The following FNDC3B variants were observed in gnomAD, a reference collection of about 807,000 sequenced individuals.
The protein encoded by FNDC3B is fibronectin type III domain-containing protein 3B.
FNDC3B carries 12 observed loss-of-function variants against 151.5 expected under a neutral mutation model. The observed-to-expected ratio is 0.08, with a 90% CI of 0.05 to 0.13. The LOEUF (loss-of-function observed/expected upper bound fraction) is 0.13. FNDC3B is among the 10% of genes least tolerant of loss of function. The probability of loss-of-function intolerance (pLI) is 1.00; values close to 1 mark genes in which losing one functional copy is unlikely to be tolerated. For synonymous variants in FNDC3B, 528 were observed against 549.0 expected (o/e 0.96, Z 0.54); for missense variants, 1,214 against 1,505.3 (o/e 0.81, Z 3.20).
intron 3 of FNDC3B, among the ~76,000 whole-genome samples, chr3:172,217,100 A>G (rs1396506845): frequency 1.3e-5 from 2 of 152,006 alleles, no homozygotes; most frequent in Non-Finnish European, 2.9e-5. Flanking sequence ...AATTAAGAAC[A>G]GAAATGCTTG....
chr3:172,350,233 G>A (rs1466440826), intron 21 of FNDC3B, among the ~76,000 whole-genome samples: 1 of 152,184 alleles, frequency 6.6e-6, no homozygotes, highest in Non-Finnish European at 1.5e-5. Context: ...AATCTTTACT[G>A]TAATTCTATG....
chr3:172,387,466 G>A (rs1384431168), intron 25 of FNDC3B, among the ~76,000 whole-genome samples: 1 of 152,168 alleles, frequency 6.6e-6, no homozygotes, highest in Non-Finnish European at 1.5e-5. Flanking sequence ...ATGAGGCTAT[G>A]ACTGTCTCAT....
At chr3:172,329,302 G>T (rs765957563) in intron 12 of FNDC3B, 35 of 430,058 alleles carry the variant, frequency 8.1e-5, no homozygotes, top group Middle Eastern at 6.0e-4. Context: ...CCCCACTAGG[G>T]GTCTCTAAGA....
chr3:172,097,638 G>A (rs1006056727), intron 1 of FNDC3B, among the ~76,000 whole-genome samples: 3 of 152,174 alleles, frequency 2.0e-5, no homozygotes, highest in African/African-American at 4.8e-5. Context: ...CATAAGTTAA[G>A]CATTAACATT....
intron 3 of FNDC3B, among the ~76,000 whole-genome samples, chr3:172,207,260 G>T (rs1405835868): frequency 1.3e-5 from 2 of 152,064 alleles, no homozygotes; most frequent in Non-Finnish European, 1.5e-5. Flanking sequence ...AACTTCTGTT[G>T]GGTATTACTT....
intron 1 of FNDC3B, among the ~76,000 whole-genome samples, chr3:172,049,653 G>A (rs143858608): frequency 0.019 from 2,873 of 152,050 alleles, 37 homozygotes; most frequent in Non-Finnish European, 0.028. Flanking sequence ...TCAGTCTCCC[G>A]AGTAGCTGAG....
chr3:172,391,956 A>G (rs1736028846), intron 25 of FNDC3B, among the ~76,000 whole-genome samples: 1 of 151,464 alleles, frequency 6.6e-6, no homozygotes, highest in Admixed American at 6.6e-5. Context: ...AAAATAAAGA[A>G]CACTCACAAC....
intron 2 of FNDC3B, among the ~76,000 whole-genome samples, chr3:172,124,103 T>TC (rs1157090027): frequency 2.0e-5 from 3 of 152,234 alleles, no homozygotes; most frequent in African/African-American, 4.8e-5. Context: ...CTTTTTTTTT[T>TC]CTCTCTAGAT....
chr3:172,052,322 C>T (rs1716705619), intron 1 of FNDC3B, among the ~76,000 whole-genome samples: 1 of 151,982 alleles, frequency 6.6e-6, no homozygotes, highest in Non-Finnish European at 1.5e-5. Context: ...AAGCGATCCG[C>T]CCACCTTGGC....
At chr3:172,098,470 A>AGGTATTTAAGGAATC (rs1284948654) in intron 1 of FNDC3B, among the ~76,000 whole-genome samples, 9 of 152,158 alleles carry the variant, frequency 5.9e-5, no homozygotes, top group Non-Finnish European at 1.0e-4. Context: ...TCGGTATTTA[A>AGGTATTTAAGGAATC]GGTATTTAAG....
chr3:172,241,300 T>C (rs143944445), intron 4 of FNDC3B, among the ~76,000 whole-genome samples: 49 of 152,146 alleles, frequency 3.2e-4, no homozygotes, highest in African/African-American at 1.1e-3. Context: ...CAAGAGAAAT[T>C]TATTTTCTTA....
intron 8 of FNDC3B, among the ~76,000 whole-genome samples, chr3:172,296,514 C>T (rs377076792): frequency 6.6e-6 from 1 of 152,152 alleles, no homozygotes. Flanking sequence ...AGGTCTTCCA[C>T]CCCCGACTCT....
chr3:172,331,241 A>G (rs1300634027), intron 13 of FNDC3B, among the ~76,000 whole-genome samples: 1 of 152,140 alleles, frequency 6.6e-6, no homozygotes, highest in Non-Finnish European at 1.5e-5. Context: ...CCTCTTTTTC[A>G]GAGTAAAATC....
At chr3:172,385,421 A>G (rs936970119) in intron 25 of FNDC3B, among the ~76,000 whole-genome samples, 2 of 152,096 alleles carry the variant, frequency 1.3e-5, no homozygotes, top group African/African-American at 4.8e-5. Flanking sequence ...CACTCAGTAA[A>G]TGTTTCCTGC....
intron 3 of FNDC3B, among the ~76,000 whole-genome samples, chr3:172,181,014 T>G (rs1403021074): frequency 6.6e-6 from 1 of 152,210 alleles, no homozygotes; most frequent in Non-Finnish European, 1.5e-5. Context: ...GCTGGCTTTC[T>G]TAATAATCTC....
intron 1 of FNDC3B, among the ~76,000 whole-genome samples, chr3:172,061,345 G>T (rs1717189134): frequency 6.6e-6 from 1 of 150,710 alleles, no homozygotes; most frequent in African/African-American, 2.4e-5. Flanking sequence ...CCATTCTCCT[G>T]CCTCAGCCTC....
At chr3:172,305,982 T>C (rs1463838595) in intron 9 of FNDC3B, among the ~76,000 whole-genome samples, 2 of 152,216 alleles carry the variant, frequency 1.3e-5, no homozygotes, top group Admixed American at 6.5e-5. Context: ...ATTATTTGTT[T>C]GGATCAAATT....
chr3:172,162,599 C>T (rs1041152849), intron 3 of FNDC3B, among the ~76,000 whole-genome samples: 3 of 151,810 alleles, frequency 2.0e-5, no homozygotes, highest in Admixed American at 6.6e-5. Flanking sequence ...TATCTTCCCA[C>T]CAGCAGTGTA....
intron 4 of FNDC3B, among the ~76,000 whole-genome samples, chr3:172,231,480 G>T (rs1164685540): frequency 6.6e-6 from 1 of 152,176 alleles, no homozygotes; most frequent in Non-Finnish European, 1.5e-5. Flanking sequence ...AGGGGCAAGG[G>T]GAAGACAGTG....
Sources: gnomAD v4.1 joint callset for allele counts (sites outside exome capture counted in the v4.1 genomes callset) on GRCh38, gnomAD v4.1.1 for gene constraint, MANE v1.5 for transcripts, NCBI Gene and HGNC (gene_info 2026-07-23, HGNC 2026-07-21) for gene names.